Variants in LRRC37B observed in about 807,000 individuals in gnomAD.
LRRC37B encodes leucine-rich repeat-containing protein 37B.
LRRC37B carries 28 observed loss-of-function variants against 98.3 expected under a neutral mutation model. That is an observed-to-expected ratio of 0.28 (90% CI 0.21 to 0.39). The LOEUF (loss-of-function observed/expected upper bound fraction) is 0.39, where lower values mean the gene tolerates loss of function less well. Among genes scored for constraint, LRRC37B ranks in the 10% least tolerant of loss-of-function variants. LRRC37B has a pLI of 1.00. For missense variants in LRRC37B, 938 were observed against 1,182.7 expected (o/e 0.79, Z 3.03); for synonymous variants, 364 against 442.7 (o/e 0.82, Z 2.23).
At chr17:32,022,696 G>A (rs1317383376) in exon 1 of LRRC37B, 3 of 1,614,028 alleles carry the variant, frequency 1.9e-6, no homozygotes, top group Non-Finnish European at 1.7e-6. Context: ...GCCTCCACAA[G>A]CACCAACATA....
chr17:32,008,290 A>G (rs1910457234), intron 1 of LRRC37B, among the ~76,000 whole-genome samples, 158 bp downstream of exon 1: 1 of 152,126 alleles, frequency 6.6e-6, no homozygotes, highest in Non-Finnish European at 1.5e-5. Flanking sequence ...AGTGGCAAAA[A>G]ACTAGATTTA....
chr17:32,008,866 A>G (rs190917025), intron 1 of LRRC37B, among the ~76,000 whole-genome samples: 65 of 152,318 alleles, frequency 4.3e-4, no homozygotes, highest in African/African-American at 1.5e-3. Flanking sequence ...TGTTTTGGTT[A>G]TTTCTAGTTT....
intron 1 of LRRC37B, 62 bp downstream of exon 4, chr17:32,022,887 G>A: frequency 6.5e-7 from 1 of 1,540,534 alleles, no homozygotes; most frequent in Middle Eastern, 1.7e-4. Flanking sequence ...CCTTTTCCTG[G>A]AGGCCTTCCT....
exon 1 of LRRC37B, chr17:32,021,563 C>T (rs1266791579): frequency 2.5e-6 from 4 of 1,614,036 alleles, no homozygotes; most frequent in Non-Finnish European, 2.5e-6. Context: ...CGCTTCTCAA[C>T]CGGGATCAGA....
intron 7 of LRRC37B, among the ~76,000 whole-genome samples, chr17:32,036,976 ATTTTTTTT>A (rs71360793): frequency 3.9e-5 from 2 of 51,702 alleles, no homozygotes; most frequent in South Asian, 8.5e-4. Flanking sequence ...CATCTTCAGC[ATTTTTTTT>A]TTTTTTTTTT....
At chr17:32,020,926 G>A (rs1355178783), upstream of LRRC37B, 3 of 1,436,030 alleles carry the variant, frequency 2.1e-6, no homozygotes, top group Admixed American at 2.8e-5. Context: ...CTAAGGGGAG[G>A]GGAGGGGTGT....
At position 32,034,998 on chromosome 17, in the gene LRRC37B, T is replaced by C; in HGVS notation, c.2129+17T>C. The C allele has an allele frequency of 6.7e-7, 1 of 1,500,978 alleles. No homozygotes were observed. The highest frequency in any genetic ancestry group is 1.2e-5 in the South Asian group (1 of 84,358). 93.0% of individuals were successfully genotyped at this position (1,500,978 alleles called of 1,614,324 possible). Reference sequence around the variant, plus strand: ...AAAATATCTGTAAGTACTATAGTACTCTCATGAGTCATGAGATGATTTATG... The same window carrying C: ...AAAATATCTGTAAGTACTATAGTACCCTCATGAGTCATGAGATGATTTATG... On this transcript the variant is annotated intron_variant, in intron 6 of 11. Transcript: ENST00000327564.
At chr17:32,040,760 C>T (rs2627081) in intron 7 of LRRC37B, 43 of 823,396 alleles carry the variant, frequency 5.2e-5, no homozygotes, top group Middle Eastern at 2.7e-4. Flanking sequence ...ACTTCAGTGA[C>T]GCACTGCTGG....
exon 1 of LRRC37B, chr17:32,022,168 T>G (rs1387948911): frequency 1.2e-6 from 2 of 1,613,578 alleles, no homozygotes; most frequent in African/African-American, 2.7e-5. Flanking sequence ...TTGCCCAAGT[T>G]TACAGTCAAA....
exon 1 of LRRC37B, chr17:32,021,619 C>T: frequency 6.2e-7 from 1 of 1,614,250 alleles, no homozygotes; most frequent in East Asian, 2.2e-5. Context: ...GTTCAAACTA[C>T]AGATCTAGAT....
At chr17:32,011,998 T>C (rs1196192755) in intron 1 of LRRC37B, among the ~76,000 whole-genome samples, 3 of 152,218 alleles carry the variant, frequency 2.0e-5, no homozygotes, top group Admixed American at 6.5e-5. Context: ...GATTCCATTA[T>C]GGTTAGAGAC....
chr17:32,050,569 T>A (rs1466865573), intron 11 of LRRC37B: 1 of 165,206 alleles, frequency 6.1e-6, no homozygotes, highest in East Asian at 1.7e-4. Flanking sequence ...ATTCACATAG[T>A]ATCATCCTTC....
chr17:32,038,498 G>T (rs948369301), intron 7 of LRRC37B, among the ~76,000 whole-genome samples: 1 of 151,760 alleles, frequency 6.6e-6, no homozygotes, highest in African/African-American at 2.4e-5. Context: ...AAAAAACAAG[G>T]CCTTATAGAT....
At chr17:32,014,630 C>T (rs1405076848) in intron 1 of LRRC37B, among the ~76,000 whole-genome samples, 1 of 152,144 alleles carries the variant, frequency 6.6e-6, no homozygotes, top group Non-Finnish European at 1.5e-5. Flanking sequence ...TCTCCTCTTA[C>T]GCTCTTTAAA....
At position 32,027,702 on chromosome 17, in the gene LRRC37B, G is replaced by T. The variant is rs569680381; in HGVS notation, c.1833-67G>T. The T allele has an allele frequency of 2.8e-5, 38 of 1,337,252 alleles. No homozygotes were observed. The African/African-American group carries it at 4.6e-4, about 16-fold the overall frequency. 82.8% of individuals were successfully genotyped at this position (1,337,252 alleles called of 1,614,324 possible). On this transcript the variant is annotated intron_variant, in intron 2 of 11. Transcript: ENST00000327564. ...ACCCAGCTTTCCTCCACATGCAGGA[G>T]ATAGTCCTGTGTAGCAAATAGTTGT...
chr17:32,037,472 GC>G (rs941154290), intron 7 of LRRC37B, among the ~76,000 whole-genome samples: 12 of 151,890 alleles, frequency 7.9e-5, no homozygotes, highest in African/African-American at 2.9e-4. Flanking sequence ...CATCTTGTCG[GC>G]CAGGCTGGTC....
At chr17:32,018,903 T>C (rs1598202127), upstream of LRRC37B, among the ~76,000 whole-genome samples, 2 of 152,106 alleles carry the variant, frequency 1.3e-5, no homozygotes, top group African/African-American at 4.8e-5. Context: ...AAAGGAGCTC[T>C]CCCTACACAG....
At chr17:32,021,537 C>T in exon 1 of LRRC37B, 1 of 1,614,010 alleles carries the variant, frequency 6.2e-7, no homozygotes, top group East Asian at 2.2e-5. Context: ...AGAAGAAAGG[C>T]TCCCAGAGGT....
At chr17:32,007,854 G>T, upstream of LRRC37B, 1 of 1,150,974 alleles carries the variant, frequency 8.7e-7, no homozygotes, top group Non-Finnish European at 1.1e-6. The surrounding 1 kb of genome is among the most constrained non-coding windows in gnomAD (Gnocchi z 4.1). Flanking sequence ...CCCCGCGCCG[G>T]CACCAGCGCA....
Sources: gnomAD v4.1 joint callset for allele counts (sites outside exome capture counted in the v4.1 genomes callset) on GRCh38, gnomAD v4.1.1 for gene constraint, Gnocchi (gnomAD v3.1) non-coding constraint, MANE v1.5 for transcripts, NCBI Gene and HGNC (gene_info 2026-07-23, HGNC 2026-07-21) for gene names.